Variants in NCOA1 observed in about 807,000 individuals in gnomAD.
The protein encoded by NCOA1 is nuclear receptor coactivator 1, also known as Hin-2 protein.
In NCOA1, 35 loss-of-function variants were observed where a neutral mutation model predicts 150.9. The ratio of observed to expected loss-of-function variants is 0.23; its 90% CI spans 0.18 to 0.31. The LOEUF is 0.31. NCOA1 is among the 10% of genes least tolerant of loss of function. NCOA1 has a pLI of 1.00. For synonymous variants in NCOA1, 590 were observed against 630.0 expected, an observed-to-expected ratio of 0.94 and a Z score of 0.95; for missense variants, 1,491 against 1,749.3, an observed-to-expected ratio of 0.85 and a Z score of 2.63.
intron 4 of NCOA1, among the ~76,000 whole-genome samples, chr2:24,649,586 G>A (rs1306931279): frequency 2.0e-5 from 3 of 152,116 alleles, no homozygotes; most frequent in African/African-American, 7.2e-5. Context: ...GTGATACAAT[G>A]CTATTTTCCC....
At chr2:24,530,703 A>C (rs78517929) in intron 1 of NCOA1, among the ~76,000 whole-genome samples, 2 of 152,238 alleles carry the variant, frequency 1.3e-5, no homozygotes, top group Non-Finnish European at 2.9e-5. Flanking sequence ...CAGAGTCCAC[A>C]TAACACTTAG....
chr2:24,752,212 A>G, intron 20 of NCOA1, 56 bp downstream of exon 20: 1 of 1,564,402 alleles, frequency 6.4e-7, no homozygotes. Flanking sequence ...AATCCTTGAT[A>G]CTGATAAATG....
At position 24,618,844 on chromosome 2, in the gene NCOA1, G is replaced by T. The variant is rs138049647; in HGVS notation, c.-174-25122G>T. ...ATTCTATCAGCAGATCCTATTAGAAGTATTTATTGAGGCATGTCATGCTAA... is the reference window on the plus strand; with the variant it reads ...ATTCTATCAGCAGATCCTATTAGAATTATTTATTGAGGCATGTCATGCTAA... On this transcript the variant is annotated intron_variant, in intron 3 of 22. Coordinates refer to ENST00000348332, the MANE Select transcript of NCOA1 (RefSeq NM_003743.5). 8.3e-4 allele frequency among the ~76,000 whole-genome samples: 126 copies of T among 152,170 alleles called. 1 individual carries two copies. Among genetic ancestry groups the T allele is most frequent in the African/African-American group, 2.9e-3 (119 of 41,512 alleles).
intron 3 of NCOA1, among the ~76,000 whole-genome samples, chr2:24,628,177 G>GT (rs1669518048): frequency 6.6e-6 from 1 of 152,086 alleles, no homozygotes; most frequent in Non-Finnish European, 1.5e-5. Context: ...GCGGACGCCT[G>GT]TAACTCCAGC....
chr2:24,705,621 G>A (rs539477407), intron 12 of NCOA1, among the ~76,000 whole-genome samples: 5 of 152,198 alleles, frequency 3.3e-5, no homozygotes, highest in African/African-American at 1.2e-4. Context: ...CTGAGTTCAA[G>A]TTGACAATTT....
chr2:24,504,123 C>G (rs952214466), intron 1 of NCOA1, among the ~76,000 whole-genome samples: 1 of 152,024 alleles, frequency 6.6e-6, no homozygotes, highest in Non-Finnish European at 1.5e-5. Context: ...TCATAATGCT[C>G]TACCCACAGT....
intron 1 of NCOA1, among the ~76,000 whole-genome samples, chr2:24,534,791 T>G (rs1377312178): frequency 2.0e-5 from 3 of 152,242 alleles, no homozygotes; most frequent in African/African-American, 7.2e-5. Flanking sequence ...AGTTCTAATT[T>G]GATTGCACTG....
chr2:24,646,334 T>C (rs553699490), intron 4 of NCOA1, among the ~76,000 whole-genome samples: 1 of 152,182 alleles, frequency 6.6e-6, no homozygotes, highest in Non-Finnish European at 1.5e-5. Flanking sequence ...GAAAAAGTGG[T>C]AGACAATCAT....
chr2:24,710,529 A>G (rs375145057), intron 13 of NCOA1, among the ~76,000 whole-genome samples: 4 of 152,240 alleles, frequency 2.6e-5, no homozygotes, highest in Admixed American at 6.5e-5. Context: ...TTGAATCAAT[A>G]TAAGTTTAAA....
chr2:24,675,179 A>G (rs1671850790), intron 7 of NCOA1, among the ~76,000 whole-genome samples: 1 of 152,150 alleles, frequency 6.6e-6, no homozygotes, highest in Non-Finnish European at 1.5e-5. Context: ...TTGTCTATAT[A>G]ACATATACAC....
chr2:24,575,176 T>A (rs1666904147), intron 2 of NCOA1, among the ~76,000 whole-genome samples: 2 of 152,220 alleles, frequency 1.3e-5, no homozygotes, highest in African/African-American at 4.8e-5. Flanking sequence ...TTCATTATTT[T>A]TGTATTTTTC....
chr2:24,759,220 GCCA>G (rs1572692541), intron 21 of NCOA1, among the ~76,000 whole-genome samples: 1 of 152,120 alleles, frequency 6.6e-6, no homozygotes, highest in East Asian at 1.9e-4. Flanking sequence ...TAAGAGATAG[GCCA>G]TATGTGTTTC....
chr2:24,636,241 C>T (rs1357752167), intron 3 of NCOA1, among the ~76,000 whole-genome samples: 2 of 152,064 alleles, frequency 1.3e-5, no homozygotes, highest in African/African-American at 4.8e-5. Context: ...CATGTTAAAC[C>T]ACTGTTTTTT....
At chr2:24,572,779 CCACA>C (rs1443067446) in intron 2 of NCOA1, among the ~76,000 whole-genome samples, 2 of 152,074 alleles carry the variant, frequency 1.3e-5, no homozygotes, top group Non-Finnish European at 2.9e-5. Flanking sequence ...AAGACTGTGG[CCACA>C]CAAAGTATCT....
intron 5 of NCOA1, among the ~76,000 whole-genome samples, chr2:24,661,311 T>C (rs1671174591): frequency 6.6e-6 from 1 of 152,166 alleles, no homozygotes; most frequent in African/African-American, 2.4e-5. Context: ...ATTTTCCTCC[T>C]TTATGAATTT....
chr2:24,723,545 C>T (rs1037371213), intron 14 of NCOA1, among the ~76,000 whole-genome samples: 2 of 152,194 alleles, frequency 1.3e-5, no homozygotes, highest in Non-Finnish European at 2.9e-5. Flanking sequence ...GTTTCCATTT[C>T]TGCATATCCT....
At chr2:24,496,139 T>G (rs954838488) in intron 1 of NCOA1, among the ~76,000 whole-genome samples, 8 of 152,266 alleles carry the variant, frequency 5.3e-5, no homozygotes, top group African/African-American at 1.7e-4. Flanking sequence ...AATTCTGTGA[T>G]TTGTAGGTTT....
chr2:24,645,383 G>T (rs1215716976), intron 4 of NCOA1, among the ~76,000 whole-genome samples: 1 of 150,602 alleles, frequency 6.6e-6, no homozygotes, highest in East Asian at 1.9e-4. Flanking sequence ...GGCGCCTGTA[G>T]TCCTAGCTAC....
intron 1 of NCOA1, among the ~76,000 whole-genome samples, chr2:24,536,245 T>C (rs77235960): frequency 0.052 from 7,866 of 152,236 alleles, 291 homozygotes; most frequent in East Asian, 0.2. Context: ...ATTGAATCGG[T>C]TATTGAAGCT....
Sources: gnomAD v4.1 joint callset for allele counts (sites outside exome capture counted in the v4.1 genomes callset) on GRCh38, gnomAD v4.1.1 for gene constraint, MANE v1.5 for transcripts, NCBI Gene and HGNC (gene_info 2026-07-23, HGNC 2026-07-21) for gene names.